The following CDC42BPB variants were observed in gnomAD, a reference collection of about 807,000 sequenced individuals.
CDC42BPB encodes the protein serine/threonine-protein kinase MRCK beta.
Under a neutral mutation model 214.9 loss-of-function variants are expected in CDC42BPB, and 37 were observed. The observed-to-expected ratio is 0.17, with a 90% confidence interval of 0.13 to 0.23. The LOEUF (loss-of-function observed/expected upper bound fraction) is 0.23. CDC42BPB is among the 10% of genes least tolerant of loss of function. The pLI is 1.00. For missense variants in CDC42BPB, 1,694 were observed against 2,227.0 expected (o/e 0.76, Z 4.82); for synonymous variants, 931 against 884.0 (o/e 1.05, Z -0.94).
rs1166719344 is a variant in CDC42BPB, at chr14:102,963,052, T to G, written c.2821+9A>C. ...TCAAATAATGCAGAATCGCACAACA[T>G]TAATTTACCAGTATCTGCTCTGAAT... On this transcript the variant is annotated intron_variant, in intron 20 of 36. Transcript: ENST00000361246. 8.4e-7 allele frequency: 1 copy of G among 1,195,494 alleles called. No homozygotes were observed. The allele number at this position is 1,195,494 out of a possible 1,614,324, so 74.1% of individuals were successfully genotyped here.
chr14:103,020,590 A>C (rs991898391), intron 1 of CDC42BPB, among the ~76,000 whole-genome samples: 26 of 152,344 alleles, frequency 1.7e-4, no homozygotes, highest in African/African-American at 6.0e-4. Context: ...GACCTCCTGC[A>C]GAGAGAGAAG....
At position 102,946,539 on chromosome 14, in the gene CDC42BPB, A is replaced by G; in HGVS notation, c.3677T>C (p.Val1226Ala). ...LHKNRLRNQV[V>A]HVPLEAYDSS... ...GTCGTAGGCTTCCAAGGGAACATGC[A>G]CGACCTGATTCCTCAGCCGGTTTTT... is the stretch of plus-strand genomic sequence containing the variant. The change falls in exon 28 of 37, where the codon GTG becomes GCG. Residue 1226 changes from valine (V) to alanine (A), a missense_variant. By Grantham distance (64) the Val-to-Ala change is moderately conservative. Transcript: ENST00000361246. 6.2e-7 allele frequency: 1 copy of G among 1,612,778 alleles called. No individual in the cohort carries two copies.
intron 5 of CDC42BPB, among the ~76,000 whole-genome samples, chr14:102,991,998 C>CGG (rs1445561486): frequency 6.6e-6 from 1 of 152,150 alleles, no homozygotes; most frequent in African/African-American, 2.4e-5. Context: ...TTTGTTGCAC[C>CGG]AGCCACGTTT....
chr14:102,965,632 T>C (rs1199692408), intron 18 of CDC42BPB, among the ~76,000 whole-genome samples: 1 of 152,190 alleles, frequency 6.6e-6, no homozygotes, highest in Admixed American at 6.5e-5. Flanking sequence ...GAATGCTTCA[T>C]TTTCCATCTA....
rs373702358 is a variant in CDC42BPB at position 102,983,712 on chromosome 14, C to T, written c.735G>A (p.Pro245=). Residue 245 remains proline (P), a synonymous_variant, in exon 7 of 37, where the codon CCG becomes CCA. Transcript: ENST00000361246. The part of the protein sequence containing the change: ...VAVGTPDYIS[P]EILQAMEDGM... ...CGTCCTCCATCGCCTGCAGGATCTC[C>T]GGCGAGATGTAGTCAGGTGTGCCCA... is the stretch of plus-strand genomic sequence containing the variant. 48 of 1,613,830 alleles carry T rather than the reference C, an allele frequency of 3.0e-5. No individual in the cohort carries two copies. The highest frequency in any genetic ancestry group is 2.4e-4 in the African/African-American group (18 of 75,038).
chr14:103,041,535 C>T, intron 1 of CDC42BPB: 1 of 1,368,310 alleles, frequency 7.3e-7, no homozygotes, highest in Non-Finnish European at 1.0e-6. Context: ...CTCGTGGCCA[C>T]ATGGTTCAAC....
intron 1 of CDC42BPB, among the ~76,000 whole-genome samples, chr14:103,050,940 T>C (rs772570857): frequency 6.6e-6 from 1 of 152,146 alleles, no homozygotes; most frequent in Non-Finnish European, 1.5e-5. Flanking sequence ...TTCAAATTTA[T>C]GTTTGAATTT....
In CDC42BPB at chr14:103,052,004, G is replaced by A. The variant is rs1888636783; in HGVS notation, c.175+4995C>T. On this transcript the variant is annotated intron_variant, in intron 1 of 36. Coordinates refer to ENST00000361246, the MANE Select transcript of CDC42BPB (RefSeq NM_006035.4). ...GGGACTATGCGTGCCACCACACCCG[G>A]CTAATTTTTGTATTTTTAGTACAGA... Among the ~76,000 whole-genome samples, 4 of 152,082 alleles carry A rather than the reference G, an allele frequency of 2.6e-5. No individual in the cohort carries two copies. The South Asian group carries it at 8.3e-4, about 31-fold the overall frequency.
chr14:102,975,946 C>T lies in CDC42BPB; in HGVS notation c.1324G>A (p.Ala442Thr). ...AGCCTCCGAATCCTCCTCTCGTAAGCTTCCATCTGCAGGCTGTGCTCCAGG... is the reference window on the plus strand; with the variant it reads ...AGCCTCCGAATCCTCCTCTCGTAAGTTTCCATCTGCAGGCTGTGCTCCAGG... The part of the protein sequence containing the change: ...RDLEHSLQME[A>T]YERRIRRLEQ... The change falls in exon 10 of 37, where the codon GCT becomes ACT. Residue 442 changes from alanine to threonine, a missense_variant. This residue lies in a region of CDC42BPB where 462 missense variants were observed against 513.5 expected (regional missense o/e 0.90). Coordinates refer to ENST00000361246, the MANE Select transcript of CDC42BPB (RefSeq NM_006035.4). The T allele has an allele frequency of 1.9e-6, 3 of 1,614,218 alleles. No individual in the cohort carries two copies. Among genetic ancestry groups the T allele is most frequent in the East Asian group, 2.2e-5 (1 of 44,882 alleles).
At chr14:102,957,541 A>T (rs1566856936) in intron 21 of CDC42BPB, among the ~76,000 whole-genome samples, 1 of 152,254 alleles carries the variant, frequency 6.6e-6, no homozygotes, top group Admixed American at 6.5e-5. Flanking sequence ...AAACAGGCTT[A>T]TCAAAGATCT....
chr14:102,984,506 C>T (rs183811782), intron 6 of CDC42BPB, among the ~76,000 whole-genome samples: 42 of 152,236 alleles, frequency 2.8e-4, no homozygotes, highest in Admixed American at 6.5e-4. Context: ...AAGACCGCTC[C>T]TACCCCCGCA....
At chr14:103,052,793 A>G (rs1307073666) in intron 1 of CDC42BPB, among the ~76,000 whole-genome samples, 2 of 152,232 alleles carry the variant, frequency 1.3e-5, no homozygotes, top group African/African-American at 4.8e-5. Flanking sequence ...GCCAGGGCAG[A>G]GGACCACTGT....
rs761287992 is a variant in CDC42BPB, at chr14:102,986,550, G to A, written c.627C>T (p.Asp209=). 2.2e-5 allele frequency: 35 copies of A among 1,613,686 alleles called. No individual in the cohort carries two copies. Among genetic ancestry groups the A allele is most frequent in the African/African-American group, 6.7e-5 (5 of 74,912 alleles). ...CAGCCAGGCGGATATGACCATTCAC[G>A]TCCAAAAGGACATTGTCAGGTTTAA... The part of the protein sequence containing the change: ...RDIKPDNVLL[D]VNGHIRLADF... Residue 209 remains aspartate, a synonymous_variant, in exon 6 of 37, where the codon GAC becomes GAT. Transcript: ENST00000361246.
intron 1 of CDC42BPB, among the ~76,000 whole-genome samples, chr14:103,013,350 C>A (rs1442002581): frequency 6.6e-6 from 1 of 152,188 alleles, no homozygotes; most frequent in Non-Finnish European, 1.5e-5. Flanking sequence ...ACCAGTCAGG[C>A]ACCTTACACT....
At chr14:102,934,709 T>A (rs1353347592) in intron 36 of CDC42BPB, among the ~76,000 whole-genome samples, 1 of 151,118 alleles carries the variant, frequency 6.6e-6, no homozygotes, top group Non-Finnish European at 1.5e-5. Context: ...GAGACAAAAT[T>A]TTCCCCTAAG....
At chr14:102,984,294 C>A (rs1208849966) in intron 6 of CDC42BPB, among the ~76,000 whole-genome samples, 1 of 152,128 alleles carries the variant, frequency 6.6e-6, no homozygotes, top group Non-Finnish European at 1.5e-5. Flanking sequence ...ATGTGCAGCA[C>A]GCAGGGAGTC....
chr14:102,968,377 A>C lies in CDC42BPB; in HGVS notation c.2241-19T>G. On this transcript the variant is annotated intron_variant, in intron 15 of 36. Coordinates refer to ENST00000361246, the MANE Select transcript of CDC42BPB (RefSeq NM_006035.4). ...GTTATGCCTGCCAAGGTGAGCGAGA[A>C]ACAGTTTTAAAAGCTCGTAACTTCA... The C allele has an allele frequency of 6.2e-7, 1 of 1,613,570 alleles. No individual in the cohort carries two copies. The highest frequency in any genetic ancestry group is 8.5e-7 in the Non-Finnish European group (1 of 1,179,860).
chr14:102,999,891 G>T, intron 4 of CDC42BPB, 178 bp from the exon 5 acceptor site: 5 of 985,430 alleles, frequency 5.1e-6, no homozygotes, highest in Non-Finnish European at 6.0e-6. Context: ...ATGCGTCCAC[G>T]ACGCCGCCAT....
intron 36 of CDC42BPB, among the ~76,000 whole-genome samples, chr14:102,934,959 G>A (rs968318906): frequency 4.0e-5 from 6 of 150,024 alleles, no homozygotes; most frequent in Admixed American, 2.0e-4. Context: ...GCAGTGAGCC[G>A]AGATCGCATC....
Sources: gnomAD v4.1 joint callset for allele counts (sites outside exome capture counted in the v4.1 genomes callset) on GRCh38, gnomAD v4.1.1 for gene constraint, gnomAD v4.1.1 regional missense constraint, MANE v1.5 for transcripts, NCBI Gene and HGNC (gene_info 2026-07-23, HGNC 2026-07-21) for gene names.